The following ANAPC10 variants were observed in gnomAD, a reference collection of about 807,000 sequenced individuals.
The protein encoded by ANAPC10 is anaphase-promoting complex subunit 10.
Under a neutral mutation model 22.0 loss-of-function variants are expected in ANAPC10, and 12 were observed. The observed-to-expected ratio is 0.55, with a 90% CI of 0.35 to 0.88. The LOEUF is 0.88. Ranked by LOEUF, ANAPC10 falls within the 40% of genes least tolerant of loss-of-function variation. ANAPC10 has a pLI of 0.01. For missense variants in ANAPC10, 188 were observed against 220.9 expected (o/e 0.85, Z 0.94); for synonymous variants, 65 against 69.5 (o/e 0.94, Z 0.32).
intron 4 of ANAPC10, among the ~76,000 whole-genome samples, chr4:145,013,473 A>G (rs151320797): frequency 1.3e-5 from 2 of 152,268 alleles, no homozygotes; most frequent in East Asian, 3.9e-4. Flanking sequence ...ACAAAATTCA[A>G]TACTCATTTA....
At chr4:145,028,496 C>T (rs552297116) in intron 4 of ANAPC10, among the ~76,000 whole-genome samples, 1 of 152,088 alleles carries the variant, frequency 6.6e-6, no homozygotes, top group Non-Finnish European at 1.5e-5. Flanking sequence ...CCCATTAGCT[C>T]TTTCCCTCAA....
intron 2 of ANAPC10, among the ~76,000 whole-genome samples, chr4:145,086,935 C>A (rs1746989874): frequency 2.0e-5 from 3 of 151,924 alleles, no homozygotes; most frequent in Non-Finnish European, 4.4e-5. Context: ...CTTCTCTCCC[C>A]ACTCTCCATG....
intron 4 of ANAPC10, among the ~76,000 whole-genome samples, chr4:145,028,181 A>AT (rs1737033680): frequency 6.6e-6 from 1 of 152,134 alleles, no homozygotes; most frequent in African/African-American, 2.4e-5. Flanking sequence ...GCCAAAAGAG[A>AT]TTAACATTTG....
intron 4 of ANAPC10, among the ~76,000 whole-genome samples, chr4:145,024,827 G>A (rs988064556): frequency 2.4e-4 from 37 of 152,178 alleles, no homozygotes; most frequent in African/African-American, 8.7e-4. Context: ...AAGTTTTCAA[G>A]CCAGGCATTG....
At position 145,026,092 on chromosome 4, in the gene ANAPC10, C is replaced by T. The variant is rs536354693; in HGVS notation, c.328-30489G>A. Among the ~76,000 whole-genome samples, 6 of 152,312 alleles carry T rather than the reference C, an allele frequency of 3.9e-5. No homozygotes were observed. In the East Asian group the frequency reaches 9.7e-4, roughly 25 times the overall value. On this transcript the variant is annotated intron_variant, in intron 4 of 4. Coordinates refer to ENST00000507656, the MANE Select transcript of ANAPC10 (RefSeq NM_001256706.2). ...TTGCTCAGCTACGAGAACACTGACT[C>T]CTAGGCAGATCACTTTGTAGTTTCC... is the stretch of plus-strand genomic sequence containing the variant.
At chr4:145,059,920 AT>A (rs1742633991) in intron 4 of ANAPC10, among the ~76,000 whole-genome samples, 3 of 152,242 alleles carry the variant, frequency 2.0e-5, no homozygotes, top group Non-Finnish European at 4.4e-5. Flanking sequence ...AAATCAAAAC[AT>A]AATGCTAAAA....
At chr4:145,041,149 G>A (rs1579006951) in intron 4 of ANAPC10, among the ~76,000 whole-genome samples, 1 of 152,064 alleles carries the variant, frequency 6.6e-6, no homozygotes, top group Non-Finnish European at 1.5e-5. Context: ...ATAAAAATTA[G>A]CCAAAAACCC....
chr4:145,089,601 T>A (rs968643290), intron 2 of ANAPC10, among the ~76,000 whole-genome samples: 1 of 152,170 alleles, frequency 6.6e-6, no homozygotes, highest in Non-Finnish European at 1.5e-5. Context: ...TTTTGTGGTG[T>A]GTGTTCAACT....
intron 4 of ANAPC10, among the ~76,000 whole-genome samples, chr4:145,063,552 AAG>A (rs1743220390): frequency 1.3e-5 from 2 of 152,144 alleles, no homozygotes; most frequent in African/African-American, 4.8e-5. Flanking sequence ...AGGCCTTTCA[AAG>A]ATCACAAGTG....
intron 4 of ANAPC10, among the ~76,000 whole-genome samples, chr4:145,037,930 G>C (rs568089491): frequency 7.1e-5 from 9 of 127,182 alleles, no homozygotes; most frequent in Non-Finnish European, 1.4e-4. Flanking sequence ...ATGGGTGACA[G>C]AGCAAAACCC....
At chr4:145,023,122 T>C (rs1263800541) in intron 4 of ANAPC10, among the ~76,000 whole-genome samples, 1 of 152,104 alleles carries the variant, frequency 6.6e-6, no homozygotes, top group Non-Finnish European at 1.5e-5. Context: ...ATTTGTTAAC[T>C]ACCCAATTGT....
rs1385123822 is a variant in ANAPC10, at chr4:144,995,044, C to T, written c.*329G>A. The T allele has an allele frequency of 5.7e-6, 1 of 174,688 alleles. No homozygotes were observed. The highest frequency in any genetic ancestry group is 1.2e-5 in the Non-Finnish European group (1 of 82,578). The allele number at this position is 174,688 out of a possible 1,614,324, so 10.8% of individuals were successfully genotyped here. The stretch of plus-strand genomic sequence containing the variant: ...GTATGAACACTAATGAAATAATCAC[C>T]TAGCTATTATAATTGTGTATATACT... On this transcript the variant is annotated 3_prime_UTR_variant, in exon 5 of 5. Coordinates refer to ENST00000507656, the MANE Select transcript of ANAPC10 (RefSeq NM_001256706.2).
At chr4:145,025,695 A>AT (rs1736564780) in intron 4 of ANAPC10, among the ~76,000 whole-genome samples, 2 of 152,224 alleles carry the variant, frequency 1.3e-5, no homozygotes, top group Admixed American at 1.3e-4. Context: ...TACTACAAGA[A>AT]TTACCAAAAT....
intron 3 of ANAPC10, among the ~76,000 whole-genome samples, chr4:145,065,696 A>G (rs1459631647): frequency 6.6e-6 from 1 of 152,082 alleles, no homozygotes; most frequent in Non-Finnish European, 1.5e-5. Context: ...ACGAACTGCT[A>G]TAGAACTATT....
At chr4:144,998,679 T>C (rs759746192) in intron 4 of ANAPC10, among the ~76,000 whole-genome samples, 1 of 151,938 alleles carries the variant, frequency 6.6e-6, no homozygotes, top group African/African-American at 2.4e-5. Context: ...AGATCTAAAA[T>C]TGACACAATA....
At position 145,088,035 on chromosome 4, in the gene ANAPC10, G is replaced by A. The variant is rs140991703; in HGVS notation, c.116-6285C>T. Among the ~76,000 whole-genome samples the A allele has an allele frequency of 4.4e-3, 669 of 152,200 alleles. 3 individuals are homozygous for A. The highest frequency in any genetic ancestry group is 0.015 in the African/African-American group (614 of 41,528). On this transcript the variant is annotated intron_variant, in intron 2 of 4. Coordinates refer to ENST00000507656, the MANE Select transcript of ANAPC10 (RefSeq NM_001256706.2). ...TGCACTCCAGCTTGGGCAACAGAGC[G>A]AGACTCCACCTCAAAGAATAAAAAT...
chr4:145,081,069 G>A lies in ANAPC10; in HGVS notation c.206+591C>T, dbSNP rs1284552015. ...GAGGAATGCTTGAGGCCAGGAGTTC[G>A]AGACCAGCTTGGCCAACATAGCGGC... On this transcript the variant is annotated intron_variant, in intron 3 of 4. Coordinates refer to ENST00000507656, the MANE Select transcript of ANAPC10 (RefSeq NM_001256706.2). Among the ~76,000 whole-genome samples the A allele has an allele frequency of 3.3e-5, 5 of 152,068 alleles. No individual in the cohort carries two copies. In the East Asian group the frequency reaches 7.7e-4, roughly 23 times the overall value.
intron 4 of ANAPC10, among the ~76,000 whole-genome samples, chr4:145,040,148 TG>T (rs1286393486): frequency 6.6e-6 from 1 of 151,886 alleles, no homozygotes; most frequent in Admixed American, 6.6e-5. Context: ...TGTGTGTGTG[TG>T]TGTGTGTGTG....
chr4:145,092,516 G>T (rs1747830065), intron 2 of ANAPC10, among the ~76,000 whole-genome samples: 1 of 152,096 alleles, frequency 6.6e-6, no homozygotes, highest in Non-Finnish European at 1.5e-5. Flanking sequence ...TACATAAGAA[G>T]AAACCAAGTA....
Sources: allele counts gnomAD v4.1 joint callset (sites outside exome capture counted in the v4.1 genomes callset), GRCh38; gene constraint gnomAD v4.1.1; transcripts MANE v1.5; gene names NCBI Gene and HGNC (gene_info 2026-07-23, HGNC 2026-07-21).